AKAP19: variants seen among roughly 807,000 people sequenced by gnomAD.
The protein encoded by AKAP19 is A-kinase anchoring protein 19.
chr2:189,923,796 A>G, the AKAP19 span: 42,820 of 1,606,848 alleles, frequency 0.027, no homozygotes, highest in Non-Finnish European at 0.03. Context: ...AACACTTCAC[A>G]AAGGGGCATA....
At chr2:190,036,287 A>G in the AKAP19 span, among the ~76,000 whole-genome samples, 1 of 152,142 alleles carries the variant, frequency 6.6e-6, no homozygotes, top group East Asian at 1.9e-4. Flanking sequence ...CCCCCAAATC[A>G]CAATGTGGCT....
chr2:190,047,114 A>G, the AKAP19 span, among the ~76,000 whole-genome samples: 1 of 152,130 alleles, frequency 6.6e-6, no homozygotes, highest in African/African-American at 2.4e-5. Flanking sequence ...GGAGACATAC[A>G]AGGACATACA....
the AKAP19 span, among the ~76,000 whole-genome samples, chr2:190,044,639 T>C: frequency 2.6e-5 from 4 of 151,924 alleles, no homozygotes; most frequent in African/African-American, 9.7e-5. Context: ...CTGGAGGACC[T>C]ACCTGGTGAG....
chr2:190,175,522 A>G, the AKAP19 span, among the ~76,000 whole-genome samples: 96 of 152,338 alleles, frequency 6.3e-4, no homozygotes, highest in African/African-American at 1.9e-3. Flanking sequence ...GGGTTGCCGG[A>G]CATTTAGTTA....
chr2:190,167,950 C>A, the AKAP19 span, among the ~76,000 whole-genome samples: 1 of 152,176 alleles, frequency 6.6e-6, no homozygotes, highest in Non-Finnish European at 1.5e-5. Context: ...GCCCTCTTCT[C>A]ACGGCTCCAC....
the AKAP19 span, among the ~76,000 whole-genome samples, chr2:190,055,039 T>C: frequency 6.6e-6 from 1 of 152,168 alleles, no homozygotes; most frequent in Non-Finnish European, 1.5e-5. Flanking sequence ...ATATGTTTAT[T>C]GCAGCACTAT....
At chr2:190,131,539 T>C in the AKAP19 span, among the ~76,000 whole-genome samples, 31 of 152,304 alleles carry the variant, frequency 2.0e-4, 1 homozygote, top group Non-Finnish European at 2.9e-4. Context: ...CCTTTCTTTA[T>C]AATAAATGAG....
At chr2:189,879,810 G>A in the AKAP19 span, 3 of 152,248 alleles carry the variant, frequency 2.0e-5, no homozygotes, top group African/African-American at 7.2e-5. Context: ...CCCTTGGCCT[G>A]GGAGAAGGAC....
the AKAP19 span, among the ~76,000 whole-genome samples, chr2:189,935,797 G>A: frequency 1.3e-5 from 2 of 152,102 alleles, no homozygotes; most frequent in Admixed American, 1.3e-4. Context: ...CTTTTAATTT[G>A]TTGATCAAAA....
chr2:189,944,952 T>C, the AKAP19 span, among the ~76,000 whole-genome samples: 3 of 152,092 alleles, frequency 2.0e-5, no homozygotes, highest in Non-Finnish European at 4.4e-5. Flanking sequence ...TGTTAGAAAG[T>C]ATGAAAACAC....
At chr2:190,006,303 G>A in the AKAP19 span, among the ~76,000 whole-genome samples, 1 of 152,192 alleles carries the variant, frequency 6.6e-6, no homozygotes, top group African/African-American at 2.4e-5. Flanking sequence ...CTGTCCCAAA[G>A]AGTCAAAACT....
chr2:189,965,952 ATGTGTGTG>A, the AKAP19 span, among the ~76,000 whole-genome samples: 9 of 149,904 alleles, frequency 6.0e-5, no homozygotes, highest in African/African-American at 2.2e-4. Flanking sequence ...GTATGTATGT[ATGTGTGTG>A]TGTGTGTGTG....
At chr2:190,189,657 T>G in the AKAP19 span, 1 of 152,178 alleles carries the variant, frequency 6.6e-6, no homozygotes, top group Non-Finnish European at 1.5e-5. Context: ...TGGATAAGGT[T>G]ATATATCCCT....
At chr2:190,195,242 T>C in the AKAP19 span, among the ~76,000 whole-genome samples, 1 of 152,226 alleles carries the variant, frequency 6.6e-6, no homozygotes, top group African/African-American at 2.4e-5. Flanking sequence ...ACATCTTGCT[T>C]GCTTCTAAGT....
At chr2:189,975,865 A>T in the AKAP19 span, among the ~76,000 whole-genome samples, 1 of 152,026 alleles carries the variant, frequency 6.6e-6, no homozygotes, top group Non-Finnish European at 1.5e-5. Flanking sequence ...TACACTGGTT[A>T]TTCTAGTTAG....
chr2:189,975,200 T>C, the AKAP19 span, among the ~76,000 whole-genome samples: 1 of 152,220 alleles, frequency 6.6e-6, no homozygotes, highest in Admixed American at 6.5e-5. Flanking sequence ...TCTCAGCATT[T>C]GCTTGTGTGT....
the AKAP19 span, among the ~76,000 whole-genome samples, chr2:189,891,440 GTC>G: frequency 0.09 from 13,713 of 151,704 alleles, 1,321 homozygotes; most frequent in African/African-American, 0.24. Context: ...AGTCAGGATG[GTC>G]TCAATCTCCT....
At chr2:189,970,003 G>A in the AKAP19 span, among the ~76,000 whole-genome samples, 1 of 150,894 alleles carries the variant, frequency 6.6e-6, no homozygotes, top group African/African-American at 2.4e-5. Flanking sequence ...CTCCCAAGTA[G>A]CTAGGACTAC....
At chr2:190,140,602 C>G in the AKAP19 span, among the ~76,000 whole-genome samples, 7 of 152,286 alleles carry the variant, frequency 4.6e-5, no homozygotes, top group African/African-American at 1.7e-4. Flanking sequence ...TACCTTGGCC[C>G]CTTTTAGCCA....
Sources: gnomAD v4.1 joint callset for allele counts (sites outside exome capture counted in the v4.1 genomes callset) on GRCh38, gnomAD v4.1.1 for gene constraint, MANE v1.5 for transcripts, NCBI Gene and HGNC (gene_info 2026-07-23, HGNC 2026-07-21) for gene names.